Variants in TMEM132C observed in about 807,000 individuals in gnomAD.
TMEM132C encodes transmembrane protein 132C.
TMEM132C carries 29 observed loss-of-function variants against 61.4 expected under a neutral mutation model. The observed-to-expected ratio is 0.47, with a 90% confidence interval of 0.35 to 0.64. The LOEUF is 0.64. Ranked by LOEUF, TMEM132C falls within the 30% of genes least tolerant of loss-of-function variation. The probability of loss-of-function intolerance (pLI) is 0.00; values close to 1 mark genes in which losing one functional copy is unlikely to be tolerated. For synonymous variants in TMEM132C, 656 were observed against 633.1 expected, an observed-to-expected ratio of 1.04 and a Z score of -0.54; for missense variants, 1,408 against 1,476.9, an observed-to-expected ratio of 0.95 and a Z score of 0.76.
At chr12:128,321,355 T>C (rs1459475093) in intron 1 of TMEM132C, among the ~76,000 whole-genome samples, 1 of 152,088 alleles carries the variant, frequency 6.6e-6, no homozygotes, top group Admixed American at 6.6e-5. Context: ...CAAGGAAGTA[T>C]GCTGAGTGAC....
At chr12:128,527,692 C>T (rs574394693) in intron 2 of TMEM132C, among the ~76,000 whole-genome samples, 14 of 134,160 alleles carry the variant, frequency 1.0e-4, no homozygotes, top group African/African-American at 3.5e-4. Flanking sequence ...CGTGCATGTA[C>T]GTGAATGTGC....
At chr12:128,568,956 C>T (rs1874787156) in intron 3 of TMEM132C, among the ~76,000 whole-genome samples, 1 of 152,230 alleles carries the variant, frequency 6.6e-6, no homozygotes, top group Non-Finnish European at 1.5e-5. Flanking sequence ...TGGGCACTCA[C>T]TCTTCTAGGA....
chr12:128,299,090 A>G (rs1367577198), intron 1 of TMEM132C, among the ~76,000 whole-genome samples: 1 of 152,198 alleles, frequency 6.6e-6, no homozygotes. Flanking sequence ...ATGAAAATCC[A>G]TGTATCCTGA....
chr12:128,634,988 T>G (rs1284153014), intron 4 of TMEM132C, among the ~76,000 whole-genome samples: 1 of 152,208 alleles, frequency 6.6e-6, no homozygotes, highest in African/African-American at 2.4e-5. Context: ...CAGGCAGCTG[T>G]AGGGAAGAAG....
At chr12:128,360,155 C>T (rs1366840932) in intron 1 of TMEM132C, among the ~76,000 whole-genome samples, 1 of 151,934 alleles carries the variant, frequency 6.6e-6, no homozygotes, top group African/African-American at 2.4e-5. Flanking sequence ...GCTCTTGCAG[C>T]TCTGTCATCT....
intron 2 of TMEM132C, among the ~76,000 whole-genome samples, chr12:128,490,926 T>C (rs556414594): frequency 3.3e-5 from 5 of 152,314 alleles, no homozygotes; most frequent in Admixed American, 2.0e-4. Context: ...CTCATTGCCT[T>C]ATCTCATTTA....
chr12:128,478,198 G>A lies in TMEM132C; in HGVS notation c.974+62578G>A, dbSNP rs140488258. On this transcript the variant is annotated intron_variant, in intron 2 of 8. Transcript: ENST00000435159. ...AAGCCCATACCACATGCAGATAGAC[G>A]CGTAATGAATGCTCATTCGAGATGA... Among the ~76,000 whole-genome samples the A allele has an allele frequency of 1.8e-3, 271 of 152,272 alleles. 1 individual carries two copies. The highest frequency in any genetic ancestry group is 6.3e-3 in the African/African-American group (260 of 41,562).
At chr12:128,636,982 C>T (rs1453515648) in intron 4 of TMEM132C, among the ~76,000 whole-genome samples, 1 of 152,046 alleles carries the variant, frequency 6.6e-6, no homozygotes, top group Non-Finnish European at 1.5e-5. Context: ...TGTGTATCTA[C>T]CATTTTTCTT....
chr12:128,545,622 T>TA (rs2136150422), intron 3 of TMEM132C, among the ~76,000 whole-genome samples: 1 of 152,370 alleles, frequency 6.6e-6, no homozygotes, highest in South Asian at 2.1e-4. Context: ...CAGCGTCTGT[T>TA]ATTTTTTGAC....
intron 3 of TMEM132C, among the ~76,000 whole-genome samples, chr12:128,597,305 C>T (rs1357482106): frequency 1.3e-5 from 2 of 151,872 alleles, no homozygotes; most frequent in Admixed American, 1.3e-4. Context: ...CATGGTGAAA[C>T]CCCATCTCTA....
At chr12:128,622,956 A>G (rs1212803655) in intron 4 of TMEM132C, among the ~76,000 whole-genome samples, 4 of 152,178 alleles carry the variant, frequency 2.6e-5, no homozygotes, top group Non-Finnish European at 5.9e-5. Context: ...TTGAAAAATA[A>G]CTATATGGAC....
intron 1 of TMEM132C, among the ~76,000 whole-genome samples, chr12:128,293,546 G>T (rs1445722144): frequency 6.6e-6 from 1 of 151,968 alleles, no homozygotes; most frequent in Non-Finnish European, 1.5e-5. Context: ...CTTCAATCAG[G>T]ATTTTTTATT....
chr12:128,352,792 A>T (rs1683741), intron 1 of TMEM132C, among the ~76,000 whole-genome samples: 131,133 of 152,198 alleles, frequency 0.86, 57,922 homozygotes, highest in East Asian at 1. Flanking sequence ...AGTTTGCCTC[A>T]TAGCACCCTA....
intron 4 of TMEM132C, among the ~76,000 whole-genome samples, chr12:128,619,704 G>A (rs1202538320): frequency 1.3e-5 from 2 of 152,228 alleles, no homozygotes; most frequent in African/African-American, 4.8e-5. Context: ...GGGGGATGGG[G>A]TGAGAGAGGT....
intron 1 of TMEM132C, among the ~76,000 whole-genome samples, chr12:128,376,519 A>ATTTC (rs1175651138): frequency 3.9e-5 from 6 of 152,236 alleles, no homozygotes; most frequent in African/African-American, 1.4e-4. Flanking sequence ...AGCAACTGAA[A>ATTTC]AACTCATGAA....
intron 4 of TMEM132C, among the ~76,000 whole-genome samples, chr12:128,649,477 A>G (rs772947095): frequency 3.9e-5 from 6 of 152,222 alleles, no homozygotes; most frequent in African/African-American, 7.2e-5. Context: ...CCAGGTGTGG[A>G]TGCACAACAG....
chr12:128,572,877 A>G (rs1463664490), intron 3 of TMEM132C, among the ~76,000 whole-genome samples: 1 of 152,260 alleles, frequency 6.6e-6, no homozygotes, highest in East Asian at 1.9e-4. Flanking sequence ...GATACCAGAG[A>G]AATGCAAATC....
At chr12:128,669,683 A>G in intron 5 of TMEM132C, 123 bp downstream of exon 5, 2 of 1,201,612 alleles carry the variant, frequency 1.7e-6, no homozygotes, top group Non-Finnish European at 1.1e-6. Context: ...TGTGCAACAC[A>G]CTTCCAGCTG....
chr12:128,454,051 T>C (rs1870265966), intron 2 of TMEM132C, among the ~76,000 whole-genome samples: 1 of 152,142 alleles, frequency 6.6e-6, no homozygotes, highest in Non-Finnish European at 1.5e-5. Context: ...GAAAGGAAGA[T>C]TTATGCTTCT....
Sources: gnomAD v4.1 joint callset for allele counts (sites outside exome capture counted in the v4.1 genomes callset) on GRCh38, gnomAD v4.1.1 for gene constraint, MANE v1.5 for transcripts, NCBI Gene and HGNC (gene_info 2026-07-23, HGNC 2026-07-21) for gene names.